CAMKMT: variants seen among roughly 807,000 people sequenced by gnomAD.
The protein encoded by CAMKMT is CaM KMT.
Under a neutral mutation model 48.0 loss-of-function variants are expected in CAMKMT, and 53 were observed. The ratio of observed to expected loss-of-function variants is 1.10; its 90% confidence interval spans 0.89 to 1.39. The LOEUF (loss-of-function observed/expected upper bound fraction) is 1.39, where lower values mean the gene tolerates loss of function less well. Among genes scored for constraint, CAMKMT ranks in the 40% most tolerant of loss-of-function variants. CAMKMT has a pLI of 0.00. For synonymous variants in CAMKMT, 165 were observed against 152.3 expected (o/e 1.08, Z -0.61); for missense variants, 428 against 402.7 (o/e 1.06, Z -0.54).
intron 3 of CAMKMT, among the ~76,000 whole-genome samples, chr2:44,633,452 C>T (rs765511822): frequency 4.6e-5 from 7 of 152,138 alleles, no homozygotes; most frequent in East Asian, 3.9e-4. Context: ...TGTTGTTTTT[C>T]GTTTTTTACC....
intron 3 of CAMKMT, among the ~76,000 whole-genome samples, chr2:44,482,297 A>G (rs1331898239): frequency 6.6e-6 from 1 of 152,152 alleles, no homozygotes; most frequent in African/African-American, 2.4e-5. Flanking sequence ...TATTGTACAT[A>G]TGACTAGTTT....
At chr2:44,606,003 C>G (rs962510280) in intron 3 of CAMKMT, among the ~76,000 whole-genome samples, 1 of 152,102 alleles carries the variant, frequency 6.6e-6, no homozygotes, top group Non-Finnish European at 1.5e-5. Context: ...AGTTCATGAA[C>G]CATTTGAATA....
rs899132835 is a variant in CAMKMT, at chr2:44,703,805, T to C, written c.377-478T>C. On this transcript the variant is annotated intron_variant, in intron 3 of 10. Coordinates refer to ENST00000378494, the MANE Select transcript of CAMKMT (RefSeq NM_024766.5). ...AAAAAAAAAAAAAAAGACAGAATTG[T>C]GCATGTTTAAAAATATTAGCATGGA... is the stretch of plus-strand genomic sequence containing the variant. Among the ~76,000 whole-genome samples the C allele has an allele frequency of 3.0e-4, 45 of 149,546 alleles. 1 individual carries two copies. Among genetic ancestry groups the C allele is most frequent in the Admixed American group, 7.3e-4 (11 of 15,024 alleles).
At chr2:44,651,888 G>T (rs1572998021) in intron 3 of CAMKMT, among the ~76,000 whole-genome samples, 1 of 152,134 alleles carries the variant, frequency 6.6e-6, no homozygotes, top group East Asian at 1.9e-4. Context: ...AAATAATTTT[G>T]CTCACAGTAG....
intron 2 of CAMKMT, among the ~76,000 whole-genome samples, chr2:44,380,307 T>G (rs528846675): frequency 1.3e-5 from 2 of 152,094 alleles, no homozygotes; most frequent in Admixed American, 6.6e-5. Context: ...GCTTTGAAGT[T>G]TAGGACAAAG....
chr2:44,578,738 A>G (rs901241027), intron 3 of CAMKMT, among the ~76,000 whole-genome samples: 6 of 152,206 alleles, frequency 3.9e-5, no homozygotes, highest in Admixed American at 6.5e-5. Context: ...CATGGTCCGT[A>G]TTATTTTTAA....
intron 7 of CAMKMT, among the ~76,000 whole-genome samples, chr2:44,716,348 C>A (rs116006895): frequency 0.01 from 1,525 of 152,228 alleles, 25 homozygotes; most frequent in African/African-American, 0.035. Context: ...GCCCCGGCAG[C>A]CAGTGATCTT....
chr2:44,770,857 T>A (rs903025569), intron 10 of CAMKMT, among the ~76,000 whole-genome samples: 1 of 152,216 alleles, frequency 6.6e-6, no homozygotes, highest in African/African-American at 2.4e-5. Context: ...CAGAACAAAC[T>A]CTGTCTAAGA....
intron 3 of CAMKMT, among the ~76,000 whole-genome samples, chr2:44,573,412 A>G (rs1281860665): frequency 6.6e-6 from 1 of 151,352 alleles, no homozygotes; most frequent in Non-Finnish European, 1.5e-5. Flanking sequence ...AGTGTATATT[A>G]TCTTTTATTT....
chr2:44,410,056 T>C (rs1331480310), intron 3 of CAMKMT, among the ~76,000 whole-genome samples: 4 of 151,748 alleles, frequency 2.6e-5, no homozygotes, highest in Non-Finnish European at 2.9e-5. Context: ...TAGTTTTTAG[T>C]ATGTTTTCTT....
At chr2:44,769,181 C>CT (rs1680995228) in intron 10 of CAMKMT, among the ~76,000 whole-genome samples, 1 of 151,228 alleles carries the variant, frequency 6.6e-6, no homozygotes, top group Non-Finnish European at 1.5e-5. Context: ...AGCTGATTAA[C>CT]AGTCAGTGAT....
chr2:44,765,206 T>C (rs1257091664), intron 9 of CAMKMT, among the ~76,000 whole-genome samples: 1 of 151,940 alleles, frequency 6.6e-6, no homozygotes, highest in East Asian at 1.9e-4. Flanking sequence ...CCAGCCTGGG[T>C]GACAGAGTGG....
At chr2:44,632,580 A>G (rs1672898132) in intron 3 of CAMKMT, among the ~76,000 whole-genome samples, 1 of 152,122 alleles carries the variant, frequency 6.6e-6, no homozygotes, top group Admixed American at 6.6e-5. Context: ...AAAAATCCCT[A>G]ATACAGTACA....
At chr2:44,654,657 C>T (rs1292827253) in intron 3 of CAMKMT, among the ~76,000 whole-genome samples, 1 of 152,050 alleles carries the variant, frequency 6.6e-6, no homozygotes, top group Admixed American at 6.6e-5. Flanking sequence ...GGACTACAGA[C>T]GTGTGTCACC....
intron 7 of CAMKMT, among the ~76,000 whole-genome samples, chr2:44,739,186 C>T (rs948105201): frequency 4.6e-5 from 7 of 152,186 alleles, no homozygotes; most frequent in African/African-American, 1.7e-4. Context: ...TCTGGCTGCT[C>T]TCTTGAGCAG....
intron 3 of CAMKMT, among the ~76,000 whole-genome samples, chr2:44,631,096 A>G (rs1016492521): frequency 7.9e-5 from 12 of 152,242 alleles, no homozygotes; most frequent in Non-Finnish European, 1.6e-4. Context: ...TGTCCTTTGT[A>G]GGAACATGGA....
At chr2:44,757,120 C>G (rs972269242) in intron 9 of CAMKMT, among the ~76,000 whole-genome samples, 1 of 152,180 alleles carries the variant, frequency 6.6e-6, no homozygotes, top group Non-Finnish European at 1.5e-5. Context: ...AGGAGGTGCT[C>G]CTTAAGGGGA....
At chr2:44,462,324 A>T (rs1667889483) in intron 3 of CAMKMT, among the ~76,000 whole-genome samples, 1 of 152,158 alleles carries the variant, frequency 6.6e-6, no homozygotes, top group African/African-American at 2.4e-5. Flanking sequence ...TCATCCTTTC[A>T]GATAACTCTA....
chr2:44,565,180 G>A (rs992758563), intron 3 of CAMKMT, among the ~76,000 whole-genome samples: 4 of 152,142 alleles, frequency 2.6e-5, no homozygotes, highest in Non-Finnish European at 4.4e-5. Context: ...CTTAACTATG[G>A]CAAGGGTGGC....
Sources: allele counts gnomAD v4.1 joint callset (sites outside exome capture counted in the v4.1 genomes callset), GRCh38; gene constraint gnomAD v4.1.1; transcripts MANE v1.5; gene names NCBI Gene and HGNC (gene_info 2026-07-23, HGNC 2026-07-21).